ANKRD35: variants seen among roughly 807,000 people sequenced by gnomAD.
ANKRD35 encodes the protein ankyrin repeat domain 35.
A neutral mutation model predicts 109.9 loss-of-function variants in ANKRD35; 102 were observed. The ratio of observed to expected loss-of-function variants is 0.93; its 90% CI spans 0.79 to 1.09. ANKRD35 has a LOEUF of 1.09. Among genes scored for constraint, ANKRD35 ranks in the 50% least tolerant of loss-of-function variants. ANKRD35 has a pLI of 0.00. For missense variants in ANKRD35, 1,240 were observed against 1,230.1 expected, an observed-to-expected ratio of 1.01 and a Z score of -0.12; for synonymous variants, 515 against 512.4, an observed-to-expected ratio of 1.01 and a Z score of -0.07.
intron 1 of ANKRD35, among the ~76,000 whole-genome samples, chr1:145,883,243 C>T (rs1001306365): frequency 1.3e-5 from 2 of 152,098 alleles, no homozygotes; most frequent in Non-Finnish European, 2.9e-5. Flanking sequence ...TGCCACCACA[C>T]CCGGCTAATT....
At chr1:145,869,787 C>A (rs1282391007) in intron 10 of ANKRD35, among the ~76,000 whole-genome samples, 1 of 152,082 alleles carries the variant, frequency 6.6e-6, no homozygotes, top group Non-Finnish European at 1.5e-5. Flanking sequence ...GTATTATAAT[C>A]TACGTTTTGT....
In ANKRD35 at chr1:145,879,262, A is replaced by G; in HGVS notation, c.166T>C (p.Ser56Pro). 6.2e-7 allele frequency: 1 copy of G among 1,605,878 alleles called. No individual in the cohort carries two copies. The highest frequency in any genetic ancestry group is 1.7e-4 in the Middle Eastern group (1 of 6,030). ...RPTKLDSNGQSPFHLAASKGL... is the reference protein window; with the variant it reads ...RPTKLDSNGQPPFHLAASKGL... ...GGGGCAGGAGGACTGACTTACGGGG[A>G]CTGGCCATTCGAGTCAAGCTTGGTG... Residue 56 changes from serine to proline, a missense_variant, in exon 2 of 14, where the codon TCC becomes CCC. Physicochemically the swap from Ser to Pro is moderately conservative, Grantham distance 74. Transcript: ENST00000355594.
intron 1 of ANKRD35, among the ~76,000 whole-genome samples, chr1:145,885,327 G>C (rs1654438228): frequency 6.6e-6 from 1 of 152,112 alleles, no homozygotes; most frequent in South Asian, 2.1e-4. Flanking sequence ...GGCATGACTT[G>C]GTGGTGTAGA....
chr1:145,877,261 C>A (rs1325109934), intron 4 of ANKRD35, among the ~76,000 whole-genome samples: 5 of 144,982 alleles, frequency 3.4e-5, no homozygotes, highest in Admixed American at 6.9e-5. Context: ...GAGACAGAGT[C>A]TCTCTCTGTT....
At chr1:145,876,321 C>A in intron 6 of ANKRD35, 75 bp from the exon 7 acceptor site, 1 of 1,401,342 alleles carries the variant, frequency 7.1e-7, no homozygotes, top group Non-Finnish European at 9.9e-7. Flanking sequence ...GGCTCCCCTC[C>A]CCTCACACCT....
chr1:145,876,733 C>T (rs1654091896), intron 5 of ANKRD35, 83 bp downstream of exon 5: 10 of 1,609,372 alleles, frequency 6.2e-6, no homozygotes, highest in Non-Finnish European at 8.5e-6. Context: ...TTGGTTGGCC[C>T]TGGCTGCCCT....
rs1653933824 is a variant in ANKRD35, at chr1:145,873,504, G to A, written c.1265C>T (p.Pro422Leu). 2 of 1,614,026 alleles carry A rather than the reference G, an allele frequency of 1.2e-6. No homozygotes were observed. The highest frequency in any genetic ancestry group is 1.7e-6 in the Non-Finnish European group (2 of 1,179,988). The change falls in exon 10 of 14, where the codon CCA (proline) becomes CTA (leucine). Residue 422 changes from proline to leucine, a missense_variant. Physicochemically the swap from Pro to Leu is moderately conservative, Grantham distance 98. Transcript: ENST00000355594. The stretch of plus-strand genomic sequence containing the variant: ...GCTCTGGGGTGGCCCCTGTTCTTCT[G>A]GTTGGGACCTTCCATGGACTTCATA... ...IQYEVHGRSQ[P>L]EEQGPPQSPA... is the part of the protein sequence containing the mutation.
chr1:145,873,303 T>G lies in ANKRD35; in HGVS notation c.1466A>C (p.Asn489Thr), dbSNP rs782268538. The G allele has an allele frequency of 8.7e-6, 14 of 1,614,038 alleles. No homozygotes were observed. The highest frequency in any genetic ancestry group is 1.1e-5 in the Non-Finnish European group (13 of 1,180,024). ...VAEPVGPAAM[N>T]QLLLQLREEL... ...CTCCCTTAGTTGAAGCAGAAGCTGG[T>G]TCATGGCTGCTGGGCCCACTGGTTC... Residue 489 changes from asparagine (N) to threonine (T), a missense_variant, in exon 10 of 14, where the codon AAC (asparagine) becomes ACC (threonine). Coordinates refer to ENST00000355594, the MANE Select transcript of ANKRD35 (RefSeq NM_144698.5).
chr1:145,875,047 G>C (rs2101709872), intron 7 of ANKRD35, 41 bp from the exon 8 acceptor site: 1 of 1,535,602 alleles, frequency 6.5e-7, no homozygotes, highest in Admixed American at 2.0e-5. Flanking sequence ...TTTCCACATG[G>C]AACCCAGAAG....
intron 5 of ANKRD35, 24 bp from the exon 6 acceptor site, chr1:145,876,663 A>C (rs1654088207): frequency 6.8e-6 from 11 of 1,613,838 alleles, no homozygotes; most frequent in African/African-American, 1.3e-5. Flanking sequence ...GTTTGGGTTA[A>C]GGGGAAGCAT....
rs587773108 is a variant in ANKRD35 at position 145,878,833 on chromosome 1, G to A, written c.171-354C>T. Among the ~76,000 whole-genome samples the A allele has an allele frequency of 2.0e-5, 3 of 152,284 alleles. No individual in the cohort carries two copies. In the East Asian group the frequency reaches 5.8e-4, roughly 29 times the overall value. On this transcript the variant is annotated intron_variant, in intron 2 of 13. Coordinates refer to ENST00000355594, the MANE Select transcript of ANKRD35 (RefSeq NM_144698.5). ...GCAGAGTGAAGGCTGGACATTCGAA[G>A]GCTTTGGGTAGAGACAAGGGATAAC...
In ANKRD35 at chr1:145,871,935, C is replaced by T; in HGVS notation, c.2787+47G>A. 1.9e-6 allele frequency: 3 copies of T among 1,596,622 alleles called. No homozygotes were observed. The South Asian group carries it at 3.3e-5, about 18-fold the overall frequency. On this transcript the variant is annotated intron_variant, in intron 10 of 13. Coordinates refer to ENST00000355594, the MANE Select transcript of ANKRD35 (RefSeq NM_144698.5). ...ATTCAGGTTAGTAAACTCCCAAATACACAGAAACTTTCCCCAGTGCTCCCC... is the reference window on the plus strand; with the variant it reads ...ATTCAGGTTAGTAAACTCCCAAATATACAGAAACTTTCCCCAGTGCTCCCC...
At chr1:145,868,692 T>C (rs1653695725) in intron 10 of ANKRD35, among the ~76,000 whole-genome samples, 2 of 152,262 alleles carry the variant, frequency 1.3e-5, no homozygotes, top group African/African-American at 4.8e-5. Flanking sequence ...TCCTTACTTG[T>C]CAGTTACCTT....
intron 6 of ANKRD35, 92 bp from the exon 7 acceptor site, chr1:145,876,338 A>G (rs1248757642): frequency 7.6e-7 from 1 of 1,311,466 alleles, no homozygotes; most frequent in Non-Finnish European, 1.1e-6. Flanking sequence ...ACCTGTCCAA[A>G]AAAAATAAAA....
chr1:145,868,451 C>T (rs1553738084), intron 10 of ANKRD35, 51 bp from the exon 11 acceptor site: 2 of 1,540,214 alleles, frequency 1.3e-6, no homozygotes, highest in African/African-American at 2.7e-5. Context: ...TCATTTCTCC[C>T]ACAAGGGTCA....
intron 6 of ANKRD35, 136 bp downstream of exon 6, chr1:145,876,433 G>C: frequency 8.5e-7 from 1 of 1,176,320 alleles, no homozygotes; most frequent in Non-Finnish European, 1.2e-6. Context: ...TGAGGAAGAA[G>C]AGGAGAAGCA....
chr1:145,872,959 C>T lies in ANKRD35; in HGVS notation c.1810G>A (p.Ala604Thr), dbSNP rs925376122. 3 of 1,610,752 alleles carry T rather than the reference C, an allele frequency of 1.9e-6. No homozygotes were observed. Among genetic ancestry groups the T allele is most frequent in the South Asian group, 1.1e-5 (1 of 90,710 alleles). Residue 604 changes from alanine to threonine, a missense_variant, in exon 10 of 14, where the codon GCC (alanine) becomes ACC (threonine). Physicochemically the swap from Ala to Thr is moderately conservative, Grantham distance 58. Coordinates refer to ENST00000355594, the MANE Select transcript of ANKRD35 (RefSeq NM_144698.5). ...EPLGALGGEK[A>T]LGGLAKGQLE... ...TGTCCCTTTGCCAGGCCTCCTAGGG[C>T]CTTTTCCCCTCCAAGGGCCCCTAGA...
At chr1:145,874,019 C>T (rs1553739594) in intron 9 of ANKRD35, 34 bp from the exon 10 acceptor site, 1 of 1,612,286 alleles carries the variant, frequency 6.2e-7, no homozygotes, top group South Asian at 1.1e-5. Context: ...AGTGTGGCCA[C>T]TAGGCAACGA....
chr1:145,874,314 A>G (rs1653979056), intron 8 of ANKRD35, 122 bp from the exon 9 acceptor site: 1 of 1,082,336 alleles, frequency 9.2e-7, no homozygotes, highest in African/African-American at 1.6e-5. Flanking sequence ...CTCACTGCAC[A>G]TCTTCCTGGT....
Sources: allele counts gnomAD v4.1 joint callset (sites outside exome capture counted in the v4.1 genomes callset), GRCh38; gene constraint gnomAD v4.1.1; transcripts MANE v1.5; gene names NCBI Gene and HGNC (gene_info 2026-07-23, HGNC 2026-07-21).